The following COL16A1 variants were observed in gnomAD, a reference collection of about 807,000 sequenced individuals.
COL16A1 encodes the protein collagen type XVI alpha 1 chain.
A neutral mutation model predicts 266.3 loss-of-function variants in COL16A1; 189 were observed. The ratio of observed to expected loss-of-function variants is 0.71; its 90% CI spans 0.63 to 0.80. The LOEUF (loss-of-function observed/expected upper bound fraction) is 0.80, where lower values mean the gene tolerates loss of function less well. Ranked by LOEUF, COL16A1 falls within the 30% of genes least tolerant of loss-of-function variation. COL16A1 has a pLI of 0.00. For synonymous variants in COL16A1, 740 were observed against 782.3 expected, an observed-to-expected ratio of 0.95 and a Z score of 0.90; for missense variants, 1,928 against 2,122.4, an observed-to-expected ratio of 0.91 and a Z score of 1.80.
At chr1:31,653,563 T>C (rs1204331412) in intron 70 of COL16A1, 36 bp downstream of exon 70, 1 of 1,601,758 alleles carries the variant, frequency 6.2e-7, no homozygotes, top group Non-Finnish European at 8.5e-7. Flanking sequence ...TCTCTGCTGC[T>C]CTGGATTCAT....
chr1:31,683,446 C>T (rs560090388), intron 34 of COL16A1, 77 bp from the exon 35 acceptor site: 2 of 1,610,302 alleles, frequency 1.2e-6, no homozygotes, highest in Admixed American at 1.7e-5. Context: ...CACCGGCAGA[C>T]CTGGTCTGGG....
chr1:31,667,559 C>A lies in COL16A1; in HGVS notation c.3357+16G>T, dbSNP rs572402885. The A allele has an allele frequency of 6.3e-7, 1 of 1,583,214 alleles. No homozygotes were observed. Among genetic ancestry groups the A allele is most frequent in the Admixed American group, 1.8e-5 (1 of 56,506 alleles). On this transcript the variant is annotated intron_variant, in intron 52 of 70. Transcript: ENST00000373672. ...ACGTGCAGCCCTGCATCCAGCCCCA[C>A]GCCGCTGGGACTCACCGGCTCTCCT...
At chr1:31,680,788 G>A (rs1643576181) in intron 39 of COL16A1, 117 bp downstream of exon 39, 1 of 1,580,800 alleles carries the variant, frequency 6.3e-7, no homozygotes, top group South Asian at 1.2e-5. Context: ...AGGCTCCCCT[G>A]GTTCATGGTG....
chr1:31,665,943 C>G lies in COL16A1; in HGVS notation c.3403-8G>C, dbSNP rs1183081344. 1 of 1,614,126 alleles carries G rather than the reference C, an allele frequency of 6.2e-7. No individual in the cohort carries two copies. Among genetic ancestry groups the G allele is most frequent in the Non-Finnish European group, 8.5e-7 (1 of 1,180,006 alleles). The stretch of plus-strand genomic sequence containing the variant: ...TCGCTCTCCTCTGGGACCCTGTCAC[C>G]CACAGAGAACAATGCAGCCGAAACC... On this transcript the variant is annotated splice_region_variant and splice_polypyrimidine_tract_variant and intron_variant, in intron 53 of 70. Coordinates refer to ENST00000373672, the MANE Select transcript of COL16A1 (RefSeq NM_001856.4).
In COL16A1 at chr1:31,695,240, C is replaced by T. The variant is rs376222381; in HGVS notation, c.946-19G>A. ...GCGGACACTGAAAGGGAAGAGCAGGCGAAGAGGTCAATTCTGAGCCCCTGG... is the reference window on the plus strand; with the variant it reads ...GCGGACACTGAAAGGGAAGAGCAGGTGAAGAGGTCAATTCTGAGCCCCTGG... On this transcript the variant is annotated intron_variant, in intron 10 of 70. Coordinates refer to ENST00000373672, the MANE Select transcript of COL16A1 (RefSeq NM_001856.4). 4.1e-5 allele frequency: 66 copies of T among 1,613,560 alleles called. No individual in the cohort carries two copies. In the Middle Eastern group the frequency reaches 6.6e-4, roughly 16 times the overall value.
At chr1:31,682,472 T>G (rs1643715880) in intron 37 of COL16A1, among the ~76,000 whole-genome samples, 1 of 152,228 alleles carries the variant, frequency 6.6e-6, no homozygotes. Flanking sequence ...AACAGCCACC[T>G]GTGGTTGTGC....
At chr1:31,686,171 C>G (rs2297683) in intron 27 of COL16A1, 36 bp from the exon 28 acceptor site, 1 of 1,614,162 alleles carries the variant, frequency 6.2e-7, no homozygotes, top group South Asian at 1.1e-5. Context: ...TGCCCAGCAT[C>G]TGCCAGGGCC....
Position 31,653,825 on chromosome 1 carries a change from A to G in COL16A1, c.4534+42T>C. On this transcript the variant is annotated intron_variant, in intron 69 of 70. Coordinates refer to ENST00000373672, the MANE Select transcript of COL16A1 (RefSeq NM_001856.4). Reference sequence around the variant, plus strand: ...TCATGGAATACTTAGGCCTGCCCCAAAGAATTACATGTGTCCCTTGGGAAC... The same window carrying G: ...TCATGGAATACTTAGGCCTGCCCCAGAGAATTACATGTGTCCCTTGGGAAC... 1.9e-6 allele frequency: 3 copies of G among 1,584,992 alleles called. No homozygotes were observed. In the South Asian group the frequency reaches 3.4e-5, roughly 18 times the overall value.
chr1:31,695,739 G>A, intron 10 of COL16A1, 22 bp downstream of exon 10: 1 of 1,612,762 alleles, frequency 6.2e-7, no homozygotes. Flanking sequence ...CTCCCCTGCT[G>A]CCAGTCCACT....
intron 52 of COL16A1, chr1:31,666,441 G>T: frequency 3.4e-6 from 1 of 297,110 alleles, no homozygotes. Context: ...GAGGCAGCCT[G>T]TGATCTGGCA....
At chr1:31,682,459 C>G (rs553459880) in intron 37 of COL16A1, among the ~76,000 whole-genome samples, 1 of 152,326 alleles carries the variant, frequency 6.6e-6, no homozygotes, top group Non-Finnish European at 1.5e-5. Flanking sequence ...TTCAGGTGCA[C>G]TCAACAGCCA....
At position 31,683,237 on chromosome 1, in the gene COL16A1, C is replaced by A; in HGVS notation, c.2426G>T (p.Gly809Val). 3.7e-6 allele frequency: 6 copies of A among 1,614,178 alleles called. No individual in the cohort carries two copies. Among genetic ancestry groups the A allele is most frequent in the Admixed American group, 1.7e-5 (1 of 60,030 alleles). ...PGLPGIQGLPGPRGPPGPTGE... is the reference protein window; with the variant it reads ...PGLPGIQGLPVPRGPPGPTGE... ...AGTGGGGCCAGGTGGTCCCCGAGGT[C>A]CCGGAAGTCCCTGCAGATGGAAGCA... is the stretch of plus-strand genomic sequence containing the variant. The change falls in exon 36 of 71, where the codon GGA (glycine) becomes GTA (valine). Residue 809 changes from glycine to valine, a missense_variant. By Grantham distance (109) the Gly-to-Val change is moderately radical (BLOSUM62 -3). Around this residue, in one of 2 missense-constraint regions of COL16A1, gnomAD observed 1,552 missense variants for 1,637.2 expected, o/e 0.95. Transcript: ENST00000373672.
intron 68 of COL16A1, among the ~76,000 whole-genome samples, 167 bp from the exon 69 acceptor site, chr1:31,654,210 G>A (rs1004135045): frequency 1.3e-5 from 2 of 152,120 alleles, no homozygotes; most frequent in African/African-American, 2.4e-5. Context: ...GGGTTCCCAC[G>A]TCCTGGCCTC....
chr1:31,698,721 C>T lies in COL16A1; in HGVS notation c.267-115G>A. ...AAGACATCCACAGGCACACATCTTC[C>T]ATCATATACATTCATTCACTCTCCA... is the stretch of plus-strand genomic sequence containing the variant. On this transcript the variant is annotated intron_variant, in intron 4 of 70. Coordinates refer to ENST00000373672, the MANE Select transcript of COL16A1 (RefSeq NM_001856.4). This position sits in a 1 kb window ranked among gnomAD's most constrained non-coding sequence, Gnocchi z 4.1. 6.8e-7 allele frequency: 1 copy of T among 1,478,564 alleles called. No individual in the cohort carries two copies. Among genetic ancestry groups the T allele is most frequent in the Non-Finnish European group, 9.0e-7 (1 of 1,105,482 alleles). 91.6% of individuals were successfully genotyped at this position (1,478,564 alleles called of 1,614,324 possible). A position where few individuals can be genotyped will look rare whatever the true frequency, so the allele number is the denominator to read the frequency against.
At chr1:31,677,375 C>T (rs911969793) in intron 42 of COL16A1, among the ~76,000 whole-genome samples, 1 of 152,252 alleles carries the variant, frequency 6.6e-6, no homozygotes, top group Non-Finnish European at 1.5e-5. Flanking sequence ...AGGCGTGAGC[C>T]ACCACGCCTG....
At chr1:31,690,658 G>A in intron 20 of COL16A1, 85 bp from the exon 21 acceptor site, 5 of 1,548,618 alleles carry the variant, frequency 3.2e-6, no homozygotes, top group Non-Finnish European at 4.3e-6. Context: ...GTGCCCCTCT[G>A]TGATGGCAGA....
chr1:31,661,098 G>C lies in COL16A1; in HGVS notation c.3793C>G (p.Pro1265Ala), dbSNP rs1340576580. Residue 1265 changes from proline to alanine, a missense_variant, in exon 61 of 71, where the codon CCC (proline) becomes GCC (alanine). Pro to Ala is a conservative substitution (Grantham distance 27). Transcript: ENST00000373672. The stretch of plus-strand genomic sequence containing the variant: ...CCAGGCCGGCCAGTGCTGCCAGGGG[G>C]ACCTGGTTTGCCACAGTCACCCTAG... ...GPKGDCGKPG[P>A]PGSTGRPGAE... 21 of 1,565,340 alleles carry C rather than the reference G, an allele frequency of 1.3e-5. No individual in the cohort carries two copies. The highest frequency in any genetic ancestry group is 1.6e-5 in the Non-Finnish European group (19 of 1,153,934).
rs762336003 is a variant in COL16A1, at chr1:31,679,807, C to T, written c.2715G>A (p.Pro905=). The change falls in exon 41 of 71, where the codon CCG becomes CCA. Residue 905 remains proline, a synonymous_variant. Coordinates refer to ENST00000373672, the MANE Select transcript of COL16A1 (RefSeq NM_001856.4). ...LWMGSSWQPG[P]QGPPGIPGPP... is the part of the protein sequence containing the mutation. ...CAAGAGGAGACAAGCGACACACCTG[C>T]GGGCCCGGCTGCCAGGAGCTGCCCA... 1.1e-5 allele frequency: 17 copies of T among 1,559,716 alleles called. No homozygotes were observed. The highest frequency in any genetic ancestry group is 2.3e-4 in the Middle Eastern group (1 of 4,344).
chr1:31,661,811 G>T, intron 58 of COL16A1, 107 bp from the exon 59 acceptor site: 1 of 1,245,338 alleles, frequency 8.0e-7, no homozygotes, highest in Non-Finnish European at 1.1e-6. Flanking sequence ...ATCCTAAGAT[G>T]GAGGGAAGAA....
Sources: gnomAD v4.1 joint callset for allele counts (sites outside exome capture counted in the v4.1 genomes callset) on GRCh38, gnomAD v4.1.1 for gene constraint, gnomAD v4.1.1 regional missense constraint, Gnocchi (gnomAD v3.1) non-coding constraint, MANE v1.5 for transcripts, NCBI Gene and HGNC (gene_info 2026-07-23, HGNC 2026-07-21) for gene names.